The following LONP2 variants were observed in gnomAD, a reference collection of about 807,000 sequenced individuals.
LONP2 encodes the protein lon peptidase 2, peroxisomal.
Under a neutral mutation model 85.6 loss-of-function variants are expected in LONP2, and 60 were observed. The ratio of observed to expected loss-of-function variants is 0.70; its 90% CI spans 0.57 to 0.87. The LOEUF (loss-of-function observed/expected upper bound fraction) is 0.87. Ranked by LOEUF, LONP2 falls within the 40% of genes least tolerant of loss-of-function variation. The pLI, the probability that LONP2 is intolerant of heterozygous loss-of-function variation, is 0.00. For synonymous variants in LONP2, 395 were observed against 389.7 expected (o/e 1.01, Z -0.16); for missense variants, 860 against 1,063.5 (o/e 0.81, Z 2.66).
intron 8 of LONP2, among the ~76,000 whole-genome samples, chr16:48,292,766 T>C (rs1198850229): frequency 6.6e-6 from 1 of 152,248 alleles, no homozygotes; most frequent in African/African-American, 2.4e-5. Context: ...GTTTTCTGCA[T>C]GTCGCTTTCC....
At position 48,248,287 on chromosome 16, in the gene LONP2, A is replaced by AT. The variant is rs111725492; in HGVS notation, c.233+3684dup. ...CAGGCATGTGCCACAATGCCTAGCT[A>AT]TTTTTTTTTTTTTTTTTTGGTGGAG... On this transcript the variant is annotated intron_variant, in intron 1 of 14. Coordinates refer to ENST00000285737, the MANE Select transcript of LONP2 (RefSeq NM_031490.5). Among the ~76,000 whole-genome samples, 947 of 116,556 alleles carry AT rather than the reference A, an allele frequency of 8.1e-3. 7 individuals carry two copies. The highest frequency in any genetic ancestry group is 0.017 in the African/African-American group (528 of 31,124). 76.5% of individuals were successfully genotyped at this position (116,556 alleles called of 152,430 possible).
Position 48,299,674 on chromosome 16 carries a change from A to G in LONP2, c.1547A>G (p.Glu516Gly), listed in dbSNP as rs1348449173. Residue 516 changes from glutamate (E) to glycine (G), a missense_variant, in exon 10 of 15, where the codon GAG becomes GGG. Around this residue, in one of 3 missense-constraint regions of LONP2, gnomAD observed 743 missense variants for 917.3 expected, o/e 0.81. Transcript: ENST00000285737. ...EIIQVPGYTQ[E>G]EKIEIAHRHL... ...TCTTCTTTTCCAGGTTATACACAGG[A>G]GGAGAAGATAGAGATTGCCCATAGG... 21 of 1,613,312 alleles carry G rather than the reference A, an allele frequency of 1.3e-5. No homozygotes were observed. The highest frequency in any genetic ancestry group is 1.8e-5 in the Non-Finnish European group (21 of 1,179,702).
Position 48,325,554 on chromosome 16 carries a change from C to G in LONP2, c.1796-8662C>G, listed in dbSNP as rs1973352417. On this transcript the variant is annotated intron_variant, in intron 11 of 14. Transcript: ENST00000285737. ...TGGCTAATTTCACTTAATATAATGT[C>G]CTCCAGGTTCAACCATGTTGCCACA... Among the ~76,000 whole-genome samples the G allele has an allele frequency of 2.0e-5, 3 of 152,138 alleles. No individual in the cohort carries two copies. The South Asian group carries it at 6.2e-4, about 32-fold the overall frequency.
In LONP2 at chr16:48,272,642, A is replaced by G. The variant is rs149751593; in HGVS notation, c.1241+2368A>G. Among the ~76,000 whole-genome samples, 514 of 152,304 alleles carry G rather than the reference A, an allele frequency of 3.4e-3. 2 individuals carry two copies. Among genetic ancestry groups the G allele is most frequent in the African/African-American group, 0.012 (492 of 41,566 alleles). On this transcript the variant is annotated intron_variant, in intron 7 of 14. Transcript: ENST00000285737. ...TATATGGAGGCTGTGATTGTTGCCG[A>G]GTAAAAAGTATAAGGATTTGTTTTG...
intron 1 of LONP2, among the ~76,000 whole-genome samples, chr16:48,248,903 AAGC>A (rs1211879957): frequency 6.6e-6 from 1 of 151,486 alleles, no homozygotes; most frequent in African/African-American, 2.4e-5. Flanking sequence ...AAAAAAAAAA[AAGC>A]AAGTGCTGGG....
chr16:48,253,745 G>T (rs974723511), intron 2 of LONP2, among the ~76,000 whole-genome samples: 1 of 151,958 alleles, frequency 6.6e-6, no homozygotes, highest in South Asian at 2.1e-4. Flanking sequence ...TTTTAAACTT[G>T]TAAAGATTTT....
intron 11 of LONP2, among the ~76,000 whole-genome samples, chr16:48,307,507 C>G (rs1972936384): frequency 6.6e-6 from 1 of 152,060 alleles, no homozygotes; most frequent in South Asian, 2.1e-4. Flanking sequence ...AAGATTTTTC[C>G]TCAAAAATTA....
At chr16:48,347,472 G>T in intron 12 of LONP2, 35 bp from the exon 13 acceptor site, 1 of 1,610,106 alleles carries the variant, frequency 6.2e-7, no homozygotes, top group Non-Finnish European at 8.5e-7. Flanking sequence ...TTTAGCATTT[G>T]CCAACCCAAC....
intron 11 of LONP2, among the ~76,000 whole-genome samples, chr16:48,331,755 G>A (rs1959462231): frequency 2.0e-5 from 3 of 151,996 alleles, no homozygotes; most frequent in Admixed American, 6.6e-5. Context: ...TAGTAGAGAC[G>A]GGGTTTCACT....
downstream of LONP2, among the ~76,000 whole-genome samples, chr16:48,358,681 CATG>C (rs1052947243): frequency 3.3e-5 from 5 of 152,018 alleles, no homozygotes; most frequent in Non-Finnish European, 5.9e-5. Flanking sequence ...ATTAGCCAAG[CATG>C]ATGCCATACA....
intron 11 of LONP2, among the ~76,000 whole-genome samples, chr16:48,308,599 T>C (rs1972962467): frequency 6.9e-6 from 1 of 144,272 alleles, no homozygotes; most frequent in African/African-American, 2.6e-5. Flanking sequence ...TGCACTCCAG[T>C]GTAGGGGTAT....
intron 10 of LONP2, among the ~76,000 whole-genome samples, chr16:48,302,791 A>G (rs1009246308): frequency 7.2e-5 from 11 of 152,366 alleles, no homozygotes; most frequent in Non-Finnish European, 8.8e-5. Flanking sequence ...TTCAAATACA[A>G]TGAATTTATC....
At chr16:48,277,138 G>GA (rs1972224729) in intron 7 of LONP2, among the ~76,000 whole-genome samples, 200 bp from the exon 8 acceptor site, 1 of 152,226 alleles carries the variant, frequency 6.6e-6, no homozygotes, top group Admixed American at 6.5e-5. Context: ...CTTGTAGCCA[G>GA]AATTAAGTAG....
chr16:48,299,695 A>T lies in LONP2; in HGVS notation c.1568A>T (p.His523Leu), dbSNP rs745885298. 1 of 1,613,834 alleles carries T rather than the reference A, an allele frequency of 6.2e-7. No individual in the cohort carries two copies. Among genetic ancestry groups the T allele is most frequent in the Non-Finnish European group, 8.5e-7 (1 of 1,179,918 alleles). ...CAGGAGGAGAAGATAGAGATTGCCC[A>T]TAGGCACTTGATCCCCAAGCAGCTG... ...YTQEEKIEIA[H>L]RHLIPKQLEQ... Residue 523 changes from histidine (H) to leucine (L), a missense_variant, in exon 10 of 15, where the codon CAT (histidine) becomes CTT (leucine). This residue lies in a region of LONP2 where 743 missense variants were observed against 917.3 expected (regional missense o/e 0.81). Coordinates refer to ENST00000285737, the MANE Select transcript of LONP2 (RefSeq NM_031490.5).
At chr16:48,244,887 C>T (rs755658492) in intron 1 of LONP2, among the ~76,000 whole-genome samples, 4 of 152,218 alleles carry the variant, frequency 2.6e-5, no homozygotes, top group Non-Finnish European at 5.9e-5. Flanking sequence ...TTTGAATCCT[C>T]TTCCCCCTCT....
chr16:48,246,211 C>A (rs11076559), intron 1 of LONP2, among the ~76,000 whole-genome samples: 6,935 of 152,216 alleles, frequency 0.046, 224 homozygotes, highest in Middle Eastern at 0.14. Context: ...TTGATTTTCT[C>A]AAGCATGGAA....
intron 11 of LONP2, among the ~76,000 whole-genome samples, chr16:48,322,492 G>A (rs1189310766): frequency 3.9e-5 from 6 of 152,124 alleles, no homozygotes; most frequent in Non-Finnish European, 8.8e-5. Flanking sequence ...GGATAACAGT[G>A]CCTTCTACCT....
chr16:48,299,963 TCAA>T (rs1972768059), intron 10 of LONP2, among the ~76,000 whole-genome samples, 175 bp downstream of exon 10: 1 of 152,242 alleles, frequency 6.6e-6, no homozygotes. Context: ...TTCTCTTTCT[TCAA>T]CAACTTCCAG....
intron 1 of LONP2, among the ~76,000 whole-genome samples, chr16:48,245,517 C>T (rs1219391714): frequency 1.3e-5 from 2 of 152,128 alleles, no homozygotes; most frequent in African/African-American, 4.8e-5. Flanking sequence ...GCATGTGGCT[C>T]GTCAAATTGA....
Sources: gnomAD v4.1 joint callset for allele counts (sites outside exome capture counted in the v4.1 genomes callset) on GRCh38, gnomAD v4.1.1 for gene constraint, gnomAD v4.1.1 regional missense constraint, MANE v1.5 for transcripts, NCBI Gene and HGNC (gene_info 2026-07-23, HGNC 2026-07-21) for gene names.